ARHGAP44: variants seen among roughly 807,000 people sequenced by gnomAD.
ARHGAP44 encodes rho GTPase-activating protein 44.
ARHGAP44 carries 43 observed loss-of-function variants against 106.8 expected under a neutral mutation model. That is an observed-to-expected ratio of 0.40 (90% CI 0.32 to 0.52). The LOEUF (loss-of-function observed/expected upper bound fraction) is 0.52, where lower values mean the gene tolerates loss of function less well. Among genes scored for constraint, ARHGAP44 ranks in the 20% least tolerant of loss-of-function variants. The pLI, the probability that ARHGAP44 is intolerant of heterozygous loss-of-function variation, is 0.48. For missense variants in ARHGAP44, 866 were observed against 1,050.5 expected, an observed-to-expected ratio of 0.82 and a Z score of 2.43; for synonymous variants, 439 against 410.3, an observed-to-expected ratio of 1.07 and a Z score of -0.85.
intron 19 of ARHGAP44, chr17:12,982,581 C>T (rs1352070159): frequency 6.6e-6 from 1 of 152,202 alleles, no homozygotes; most frequent in Non-Finnish European, 1.5e-5. Context: ...AGCACTTCCC[C>T]TGTACTCAGG....
intron 16 of ARHGAP44, among the ~76,000 whole-genome samples, chr17:12,961,896 G>A (rs2039271813): frequency 6.6e-6 from 1 of 152,078 alleles, no homozygotes; most frequent in South Asian, 2.1e-4. Context: ...TTGGAGAGAG[G>A]AGAGAAATTT....
chr17:12,955,321 C>T (rs1171100898), intron 13 of ARHGAP44, among the ~76,000 whole-genome samples: 1 of 152,140 alleles, frequency 6.6e-6, no homozygotes, highest in Non-Finnish European at 1.5e-5. Context: ...ATTCCATGAA[C>T]ATTCATGTAC....
At chr17:12,959,797 A>G (rs940520859) in intron 16 of ARHGAP44, among the ~76,000 whole-genome samples, 4 of 152,258 alleles carry the variant, frequency 2.6e-5, no homozygotes, top group African/African-American at 9.6e-5. Flanking sequence ...TTTAGGATAG[A>G]TGAGAGCATA....
chr17:12,864,756 A>G (rs2036184093), intron 1 of ARHGAP44, among the ~76,000 whole-genome samples: 1 of 152,228 alleles, frequency 6.6e-6, no homozygotes, highest in Admixed American at 6.5e-5. Flanking sequence ...ATGGAATAAG[A>G]AAGATAATTA....
intron 16 of ARHGAP44, among the ~76,000 whole-genome samples, chr17:12,962,940 G>C (rs1029578211): frequency 6.6e-6 from 1 of 151,396 alleles, no homozygotes. Flanking sequence ...AGCTACTTGG[G>C]AGGCTGAGGC....
At chr17:12,894,839 C>T in intron 1 of ARHGAP44, 101 bp from the exon 2 acceptor site, 1 of 1,044,722 alleles carries the variant, frequency 9.6e-7, no homozygotes. Flanking sequence ...CTACTCATGT[C>T]TCTGTTTTTC....
intron 14 of ARHGAP44, 26 bp downstream of exon 14, chr17:12,956,006 T>G: frequency 6.4e-7 from 1 of 1,569,592 alleles, no homozygotes. Context: ...AGAAGTAATG[T>G]GGGTGATCAG....
chr17:12,924,838 C>A (rs768386502), intron 6 of ARHGAP44, among the ~76,000 whole-genome samples: 3 of 152,146 alleles, frequency 2.0e-5, no homozygotes, highest in Non-Finnish European at 2.9e-5. Context: ...TGTCCAGCCT[C>A]CAGAATTGTG....
intron 19 of ARHGAP44, among the ~76,000 whole-genome samples, chr17:12,982,042 A>T (rs1235162166): frequency 6.6e-6 from 1 of 152,106 alleles, no homozygotes; most frequent in Non-Finnish European, 1.5e-5. Context: ...CTTTCCCCAC[A>T]GCACTACAAT....
intron 1 of ARHGAP44, among the ~76,000 whole-genome samples, chr17:12,881,686 TTTG>T (rs750079508): frequency 6.6e-5 from 10 of 152,208 alleles, no homozygotes; most frequent in African/African-American, 2.2e-4. Context: ...ATTTATTTAT[TTTG>T]TTGTTGTTGT....
chr17:12,822,931 C>T (rs947430208), intron 1 of ARHGAP44, among the ~76,000 whole-genome samples: 1 of 152,204 alleles, frequency 6.6e-6, no homozygotes, highest in Admixed American at 6.5e-5. Flanking sequence ...TCCTTGTCTA[C>T]TGCACTGTGA....
At chr17:12,900,183 G>T (rs536051942) in intron 3 of ARHGAP44, among the ~76,000 whole-genome samples, 4 of 151,250 alleles carry the variant, frequency 2.6e-5, no homozygotes, top group Non-Finnish European at 5.9e-5. Flanking sequence ...AGGCTGGAGC[G>T]CAGTGGCACC....
At chr17:12,986,260 T>G (rs1298441415) in intron 20 of ARHGAP44, 3 of 152,104 alleles carry the variant, frequency 2.0e-5, no homozygotes, top group African/African-American at 7.2e-5. Flanking sequence ...CCCATCTTGG[T>G]GGGTCTTGGT....
chr17:12,859,510 C>T lies in ARHGAP44; in HGVS notation c.54-35430C>T, dbSNP rs568153249. 3.3e-5 allele frequency among the ~76,000 whole-genome samples: 5 copies of T among 152,292 alleles called. No individual in the cohort carries two copies. In the East Asian group the frequency reaches 5.8e-4, roughly 18 times the overall value. Reference sequence around the variant, plus strand: ...ATCTTCTCATCATCACTTAAGATTTCGAGTTTGCTTTACTGCCCACATTTT... The same window carrying T: ...ATCTTCTCATCATCACTTAAGATTTTGAGTTTGCTTTACTGCCCACATTTT... On this transcript the variant is annotated intron_variant, in intron 1 of 20. Coordinates refer to ENST00000379672, the MANE Select transcript of ARHGAP44 (RefSeq NM_014859.6).
Position 12,989,928 on chromosome 17 carries a change from T to G in ARHGAP44, c.2318-104T>G, listed in dbSNP as rs981433561. On this transcript the variant is annotated intron_variant, in intron 20 of 20. Transcript: ENST00000379672. ...ACCTCCAAATGATCTATCCCTAGAA[T>G]AGCAGCACCCCTGCCTCCTAAGGCT... is the stretch of plus-strand genomic sequence containing the variant. The G allele has an allele frequency of 3.4e-6, 5 of 1,486,844 alleles. No homozygotes were observed. The African/African-American group carries it at 6.9e-5, about 21-fold the overall frequency. 92.1% of individuals were successfully genotyped at this position (1,486,844 alleles called of 1,614,324 possible).
At chr17:12,930,109 T>C (rs1246856909) in intron 7 of ARHGAP44, among the ~76,000 whole-genome samples, 1 of 152,254 alleles carries the variant, frequency 6.6e-6, no homozygotes, top group Non-Finnish European at 1.5e-5. Context: ...TGAGTGCAGC[T>C]GATTTGTCAT....
At chr17:12,851,071 G>A (rs2150847681) in intron 1 of ARHGAP44, among the ~76,000 whole-genome samples, 1 of 152,284 alleles carries the variant, frequency 6.6e-6, no homozygotes, top group Non-Finnish European at 1.5e-5. Context: ...TAAATTTGTG[G>A]TTCTGTGCTC....
At chr17:12,962,265 G>A (rs79682878) in intron 16 of ARHGAP44, among the ~76,000 whole-genome samples, 16,476 of 151,960 alleles carry the variant, frequency 0.11, 960 homozygotes, top group South Asian at 0.2. Context: ...TACTTCCCTC[G>A]CGACTCTGGG....
At chr17:12,806,492 A>G (rs1029903469) in intron 1 of ARHGAP44, among the ~76,000 whole-genome samples, 1 of 152,214 alleles carries the variant, frequency 6.6e-6, no homozygotes, top group Non-Finnish European at 1.5e-5. Context: ...TGCTGGGGAC[A>G]GCAAGTGAAA....
Sources: gnomAD v4.1 joint callset for allele counts (sites outside exome capture counted in the v4.1 genomes callset) on GRCh38, gnomAD v4.1.1 for gene constraint, MANE v1.5 for transcripts, NCBI Gene and HGNC (gene_info 2026-07-23, HGNC 2026-07-21) for gene names.